Variants in GLDC observed in about 807,000 individuals in gnomAD.
GLDC encodes the protein glycine dehydrogenase (decarboxylating), mitochondrial.
A neutral mutation model predicts 121.3 loss-of-function variants in GLDC; 104 were observed. The ratio of observed to expected loss-of-function variants is 0.86; its 90% CI spans 0.73 to 1.01. The LOEUF (loss-of-function observed/expected upper bound fraction) is 1.01, where lower values mean the gene tolerates loss of function less well. Ranked by LOEUF, GLDC falls within the 50% of genes least tolerant of loss-of-function variation. The probability of loss-of-function intolerance (pLI) is 0.00; values close to 1 mark genes in which losing one functional copy is unlikely to be tolerated. For missense variants in GLDC, 1,429 were observed against 1,306.6 expected (o/e 1.09, Z -1.44); for synonymous variants, 546 against 480.6 (o/e 1.14, Z -1.78).
chr9:6,608,773 A>G (rs1470901782), intron 4 of GLDC, among the ~76,000 whole-genome samples: 1 of 151,776 alleles, frequency 6.6e-6, no homozygotes, highest in East Asian at 1.9e-4. Flanking sequence ...AATAAATAAT[A>G]AATAAATAAA....
Position 6,645,394 on chromosome 9 carries a change from C to T in GLDC, c.106G>A (p.Asp36Asn), listed in dbSNP as rs573883784. Residue 36 changes from aspartate to asparagine, a missense_variant, in exon 1 of 25, where the codon GAC (aspartate) becomes AAC (asparagine). By Grantham distance (23) the Asp-to-Asn change is conservative (BLOSUM62 1). Transcript: ENST00000321612. ...CTGTCCCCGCCGCCACTGCTGCTGT[C>T]CCGGCTCCGCGGCGCCCAGCACGGC... ...SGPCWAPRSR[D>N]SSSGGGDSAA... 1.3e-6 allele frequency: 2 copies of T among 1,506,264 alleles called. No homozygotes were observed. Among genetic ancestry groups the T allele is most frequent in the Non-Finnish European group, 1.8e-6 (2 of 1,128,954 alleles). The allele number at this position is 1,506,264 out of a possible 1,614,324, so 93.3% of individuals were successfully genotyped here.
chr9:6,582,043 G>A (rs532590128), intron 15 of GLDC, among the ~76,000 whole-genome samples: 110 of 147,314 alleles, frequency 7.5e-4, no homozygotes, highest in African/African-American at 2.7e-3. Context: ...AGTGAAACCC[G>A]ATCTCCACTA....
rs1334975700 is a variant in GLDC, at chr9:6,592,983, C to T, written c.1269G>A (p.Lys423=). Reference sequence around the variant, plus strand: ...CATGCTGGAGTTGATGCCCTGCTCGCTTGAGACCTACACAAGATAGGAGAT... The same window carrying T: ...CATGCTGGAGTTGATGCCCTGCTCGTTTGAGACCTACACAAGATAGGAGAT... ...NATLILSEGL[K]RAGHQLQHDL... is the part of the protein sequence containing the mutation. The change falls in exon 10 of 25, where the codon AAG becomes AAA. Residue 423 remains lysine, a synonymous_variant. Transcript: ENST00000321612. The T allele has an allele frequency of 6.2e-7, 1 of 1,607,978 alleles. No homozygotes were observed. The highest frequency in any genetic ancestry group is 1.7e-5 in the Admixed American group (1 of 59,366).
chr9:6,553,446 A>G lies in GLDC; in HGVS notation c.2379T>C (p.Asp793=). The G allele has an allele frequency of 1.2e-6, 2 of 1,613,820 alleles. No homozygotes were observed. The highest frequency in any genetic ancestry group is 1.7e-6 in the Non-Finnish European group (2 of 1,179,720). ...HPVISLKRNE[D]ACPVGTVSAA... ...CACTGACGGTTCCCACAGGACAGGC[A>G]TCCTCATTCCGCTTTAGTGAAATGA... Residue 793 remains aspartate (D), a synonymous_variant, in exon 20 of 25, where the codon GAT becomes GAC. Coordinates refer to ENST00000321612, the MANE Select transcript of GLDC (RefSeq NM_000170.3).
At chr9:6,637,118 G>C (rs949125079) in intron 2 of GLDC, among the ~76,000 whole-genome samples, 1 of 151,200 alleles carries the variant, frequency 6.6e-6, no homozygotes, top group African/African-American at 2.4e-5. Context: ...CGGGCACAAT[G>C]GCTCACGCCT....
At chr9:6,576,272 C>T (rs1270718174) in intron 15 of GLDC, among the ~76,000 whole-genome samples, 3 of 152,172 alleles carry the variant, frequency 2.0e-5, no homozygotes, top group South Asian at 2.1e-4. Flanking sequence ...CTAGTGAGGG[C>T]GCACTTCCTG....
chr9:6,561,538 A>C (rs1201088777), intron 16 of GLDC, among the ~76,000 whole-genome samples: 1 of 152,104 alleles, frequency 6.6e-6, no homozygotes, highest in African/African-American at 2.4e-5. Context: ...AGTCCCAGCT[A>C]CTTGGGAGGC....
chr9:6,594,564 C>T (rs553359055), intron 9 of GLDC, among the ~76,000 whole-genome samples: 19 of 152,162 alleles, frequency 1.2e-4, no homozygotes, highest in African/African-American at 1.7e-4. Flanking sequence ...GACATGGTGG[C>T]GTGTACCTTA....
intron 15 of GLDC, among the ~76,000 whole-genome samples, chr9:6,578,735 G>A (rs576952061): frequency 6.6e-6 from 1 of 151,966 alleles, no homozygotes; most frequent in Non-Finnish European, 1.5e-5. Context: ...GTCTTGCTAT[G>A]TTGCCCAGGC....
At chr9:6,635,062 G>GT (rs1048144436) in intron 2 of GLDC, among the ~76,000 whole-genome samples, 1 of 152,150 alleles carries the variant, frequency 6.6e-6, no homozygotes, top group African/African-American at 2.4e-5. Flanking sequence ...AAATAACCAC[G>GT]TATTTCCACA....
chr9:6,552,112 G>A lies in GLDC; in HGVS notation c.2458-1198C>T, dbSNP rs1006713458. Among the ~76,000 whole-genome samples the A allele has an allele frequency of 4.6e-5, 7 of 152,190 alleles. No homozygotes were observed. In the East Asian group the frequency reaches 1.3e-3, roughly 29 times the overall value. ...TAGGGTGAGTCTAGCAGTCCTGTAGGTGCGCCTGTGGAATTGCAGCAGGGA... is the reference window on the plus strand; with the variant it reads ...TAGGGTGAGTCTAGCAGTCCTGTAGATGCGCCTGTGGAATTGCAGCAGGGA... On this transcript the variant is annotated intron_variant, in intron 20 of 24. Coordinates refer to ENST00000321612, the MANE Select transcript of GLDC (RefSeq NM_000170.3).
chr9:6,630,405 C>T (rs905102840), intron 2 of GLDC, among the ~76,000 whole-genome samples: 21 of 152,122 alleles, frequency 1.4e-4, no homozygotes, highest in African/African-American at 4.8e-4. Context: ...TTCTGGGGAG[C>T]CCAGCCAGCA....
At position 6,605,111 on chromosome 9, in the gene GLDC, C is replaced by A. The variant is rs762609731; in HGVS notation, c.861+20G>T. 3.1e-6 allele frequency: 5 copies of A among 1,610,296 alleles called. No homozygotes were observed. Among genetic ancestry groups the A allele is most frequent in the African/African-American group, 1.3e-5 (1 of 74,804 alleles). ...TTGGGATACGCCTCCACGGACCCCCCACAAGAAAGGTATACCTACCCCACT... is the reference window on the plus strand; with the variant it reads ...TTGGGATACGCCTCCACGGACCCCCAACAAGAAAGGTATACCTACCCCACT... On this transcript the variant is annotated intron_variant, in intron 6 of 24. Transcript: ENST00000321612.
intron 21 of GLDC, among the ~76,000 whole-genome samples, chr9:6,545,530 C>A (rs1314147717): frequency 2.6e-5 from 4 of 152,148 alleles, no homozygotes; most frequent in Non-Finnish European, 4.4e-5. Context: ...ACGGGAAGGT[C>A]TAGGACATTC....
intron 22 of GLDC, among the ~76,000 whole-genome samples, chr9:6,536,899 G>A (rs1156414736): frequency 6.6e-6 from 1 of 152,178 alleles, no homozygotes; most frequent in African/African-American, 2.4e-5. Flanking sequence ...ATTGAACACA[G>A]GCTCAGTGTG....
intron 2 of GLDC, among the ~76,000 whole-genome samples, chr9:6,644,029 CAAAAAAAA>C (rs531081758): frequency 6.0e-4 from 11 of 18,334 alleles, no homozygotes; most frequent in Non-Finnish European, 1.1e-3. Context: ...GATTCTGTCT[CAAAAAAAA>C]AAAAAAAAAA....
In GLDC at chr9:6,645,290, A is replaced by G. The variant is rs1170354400; in HGVS notation, c.210T>C (p.Pro70=). ...HDDFARRHIG[P]GDKDQREMLQ... Reference sequence around the variant, plus strand: ...GCATCTCTCTCTGGTCTTTGTCCCCAGGGCCGATGTGCCTCCGAGCGAAGT... The same window carrying G: ...GCATCTCTCTCTGGTCTTTGTCCCCGGGGCCGATGTGCCTCCGAGCGAAGT... Residue 70 remains proline, a synonymous_variant, in exon 1 of 25, where the codon CCT becomes CCC. Transcript: ENST00000321612. 1.6e-5 allele frequency: 26 copies of G among 1,602,810 alleles called. No individual in the cohort carries two copies. The highest frequency in any genetic ancestry group is 2.1e-5 in the Non-Finnish European group (25 of 1,175,442).
At chr9:6,571,960 C>T (rs1200250350) in intron 15 of GLDC, among the ~76,000 whole-genome samples, 2 of 152,144 alleles carry the variant, frequency 1.3e-5, no homozygotes, top group Non-Finnish European at 1.5e-5. Flanking sequence ...GGAAAGATCG[C>T]CTTTTCAATA....
chr9:6,615,477 G>C (rs1396669415), intron 3 of GLDC, among the ~76,000 whole-genome samples: 1 of 151,704 alleles, frequency 6.6e-6, no homozygotes, highest in East Asian at 1.9e-4. Context: ...ACCTACTCAG[G>C]AGGCTGAGGC....
Sources: allele counts gnomAD v4.1 joint callset (sites outside exome capture counted in the v4.1 genomes callset), GRCh38; gene constraint gnomAD v4.1.1; transcripts MANE v1.5; gene names NCBI Gene and HGNC (gene_info 2026-07-23, HGNC 2026-07-21).